The following FRMD4A variants were observed in gnomAD, a reference collection of about 807,000 sequenced individuals.
FRMD4A encodes FERM domain-containing protein 4A.
Under a neutral mutation model 129.1 loss-of-function variants are expected in FRMD4A, and 29 were observed. The observed-to-expected ratio is 0.22, with a 90% CI of 0.17 to 0.31. The LOEUF is 0.31. Among genes scored for constraint, FRMD4A ranks in the 10% least tolerant of loss-of-function variants. The pLI is 1.00. For synonymous variants in FRMD4A, 634 were observed against 571.6 expected (o/e 1.11, Z -1.56); for missense variants, 1,272 against 1,375.8 (o/e 0.92, Z 1.19).
At chr10:14,281,793 C>A (rs1475252257) in intron 2 of FRMD4A, among the ~76,000 whole-genome samples, 1 of 152,206 alleles carries the variant, frequency 6.6e-6, no homozygotes. Flanking sequence ...TGAGCCAAAA[C>A]CACCTTTTCC....
intron 2 of FRMD4A, among the ~76,000 whole-genome samples, chr10:13,941,209 C>T (rs569936116): frequency 6.6e-6 from 1 of 152,212 alleles, no homozygotes; most frequent in African/African-American, 2.4e-5. Context: ...GCGGTTTCCT[C>T]CATACTGTTC....
At chr10:14,057,026 A>G (rs7897767) in intron 2 of FRMD4A, among the ~76,000 whole-genome samples, 70,180 of 151,990 alleles carry the variant, frequency 0.46, 16,906 homozygotes, top group Middle Eastern at 0.54. Context: ...GTCAGTGGCA[A>G]TGTTCTGTAT....
intron 2 of FRMD4A, among the ~76,000 whole-genome samples, chr10:14,241,683 T>TAAAAAAAAAAAAAAAAAA (rs71388168): frequency 2.6e-4 from 6 of 23,416 alleles, no homozygotes; most frequent in Non-Finnish European, 4.4e-4. Context: ...TTACCCTCCC[T>TAAAAAAAAAAAAAAAAAA]AAAAAAAAAA....
At chr10:14,107,347 A>AT (rs1837640528) in intron 2 of FRMD4A, among the ~76,000 whole-genome samples, 1 of 152,218 alleles carries the variant, frequency 6.6e-6, no homozygotes, top group Admixed American at 6.5e-5. Flanking sequence ...CCCCAAATCT[A>AT]AAATAAAAGT....
At chr10:13,813,622 C>G (rs1240510251) in intron 3 of FRMD4A, among the ~76,000 whole-genome samples, 1 of 152,176 alleles carries the variant, frequency 6.6e-6, no homozygotes, top group Middle Eastern at 3.2e-3. Flanking sequence ...TGCCACTGGC[C>G]TACAGTTGGG....
At chr10:14,277,205 A>C (rs1845372616) in intron 2 of FRMD4A, among the ~76,000 whole-genome samples, 1 of 152,170 alleles carries the variant, frequency 6.6e-6, no homozygotes, top group Non-Finnish European at 1.5e-5. Context: ...TTCTCAGAAG[A>C]AGCCCTCACA....
At chr10:13,838,928 A>G (rs532322450) in intron 3 of FRMD4A, among the ~76,000 whole-genome samples, 7 of 151,624 alleles carry the variant, frequency 4.6e-5, no homozygotes, top group Non-Finnish European at 8.8e-5. Flanking sequence ...AAACCATCCA[A>G]TGATGATTAA....
At chr10:14,020,181 A>G (rs111791338) in intron 2 of FRMD4A, among the ~76,000 whole-genome samples, 2,300 of 152,238 alleles carry the variant, frequency 0.015, 62 homozygotes, top group African/African-American at 0.053. Flanking sequence ...TGCAGGTGCG[A>G]GCTTGTGCAC....
At chr10:13,980,959 C>G (rs2095558436) in intron 2 of FRMD4A, among the ~76,000 whole-genome samples, 1 of 152,172 alleles carries the variant, frequency 6.6e-6, no homozygotes, top group Non-Finnish European at 1.5e-5. Flanking sequence ...AAAATAAATC[C>G]TTTGATATAT....
At chr10:13,935,179 C>T (rs1194381914) in intron 2 of FRMD4A, among the ~76,000 whole-genome samples, 1 of 152,084 alleles carries the variant, frequency 6.6e-6, no homozygotes, top group Non-Finnish European at 1.5e-5. Context: ...TGGCTCATGC[C>T]TGTAATCCCA....
intron 2 of FRMD4A, among the ~76,000 whole-genome samples, chr10:14,318,328 C>G (rs1199450815): frequency 8.8e-6 from 1 of 113,606 alleles, no homozygotes; most frequent in African/African-American, 2.7e-5. Context: ...TCCCCCCCCA[C>G]CTTTTTTTTT....
At chr10:14,195,461 A>G (rs901807129) in intron 2 of FRMD4A, among the ~76,000 whole-genome samples, 3 of 152,192 alleles carry the variant, frequency 2.0e-5, no homozygotes, top group Non-Finnish European at 4.4e-5. Flanking sequence ...GCCATCAGAA[A>G]ATAGCAGAGG....
intron 2 of FRMD4A, among the ~76,000 whole-genome samples, chr10:14,312,891 A>G (rs1442462022): frequency 6.6e-6 from 1 of 152,086 alleles, no homozygotes; most frequent in Non-Finnish European, 1.5e-5. Context: ...ATAAAAAAGA[A>G]TGAGTTAACA....
At chr10:14,107,939 T>G (rs1361925769) in intron 2 of FRMD4A, among the ~76,000 whole-genome samples, 2 of 152,222 alleles carry the variant, frequency 1.3e-5, no homozygotes, top group Non-Finnish European at 2.9e-5. Flanking sequence ...TGTTTTTGTA[T>G]TTTTGGCAAT....
chr10:13,737,438 C>T (rs1027886197), intron 12 of FRMD4A, among the ~76,000 whole-genome samples: 1 of 152,104 alleles, frequency 6.6e-6, no homozygotes, highest in Non-Finnish European at 1.5e-5. Context: ...CTCCCACCTC[C>T]CCTGATCCTG....
At chr10:14,139,333 C>T (rs1040565748) in intron 2 of FRMD4A, among the ~76,000 whole-genome samples, 13 of 152,068 alleles carry the variant, frequency 8.5e-5, no homozygotes, top group Non-Finnish European at 8.8e-5. Context: ...TTAAATGGTC[C>T]GTGCTAAAGG....
At position 13,705,900 on chromosome 10, in the gene FRMD4A, G is replaced by A. The variant is rs144714322; in HGVS notation, c.836+1137C>T. On this transcript the variant is annotated intron_variant, in intron 13 of 24. Coordinates refer to ENST00000357447, the MANE Select transcript of FRMD4A (RefSeq NM_018027.5). ...GCTCTTGCCCTACACAGGAGTGGCT[G>A]TTTCAGGCAGATTACCCTGGAGGGC... Among the ~76,000 whole-genome samples, 1,066 of 152,344 alleles carry A rather than the reference G, an allele frequency of 7.0e-3. 8 individuals are homozygous for A. The highest frequency in any genetic ancestry group is 0.024 in the African/African-American group (1,017 of 41,580).
chr10:14,001,772 C>T (rs188162781), intron 2 of FRMD4A, among the ~76,000 whole-genome samples: 1 of 152,282 alleles, frequency 6.6e-6, no homozygotes, highest in Admixed American at 6.5e-5. Flanking sequence ...ATAGAAGGAA[C>T]AAAACCCCAT....
chr10:14,025,660 A>ACTGTGACCATTAAACAATAACTCC (rs1451859347), intron 2 of FRMD4A, among the ~76,000 whole-genome samples: 1 of 152,182 alleles, frequency 6.6e-6, no homozygotes, highest in Non-Finnish European at 1.5e-5. Context: ...AAACGGAAAC[A>ACTGTGACCATTAAACAATAACTCC]CTGTGACCAT....
Sources: allele counts gnomAD v4.1 joint callset (sites outside exome capture counted in the v4.1 genomes callset), GRCh38; gene constraint gnomAD v4.1.1; transcripts MANE v1.5; gene names NCBI Gene and HGNC (gene_info 2026-07-23, HGNC 2026-07-21).